The following SQOR variants were observed in gnomAD, a reference collection of about 807,000 sequenced individuals.
The protein encoded by SQOR is sulfide quinone oxidoreductase.
A neutral mutation model predicts 48.6 loss-of-function variants in SQOR; 39 were observed. The observed-to-expected ratio is 0.80, with a 90% CI of 0.62 to 1.05. SQOR has a LOEUF of 1.05. Among genes scored for constraint, SQOR ranks in the 50% least tolerant of loss-of-function variants. SQOR has a pLI of 0.00. For missense variants in SQOR, 561 were observed against 559.9 expected (o/e 1.00, Z -0.02); for synonymous variants, 220 against 206.2 (o/e 1.07, Z -0.57).
Position 45,661,956 on chromosome 15 carries a change from G to A in SQOR, c.236G>A (p.Arg79Lys), listed in dbSNP as rs926833757. ...ENVAIVEPSE[R>K]HFYQPIWTLV... Reference sequence around the variant, plus strand: ...ATCTTCAAATACTTTGTTTCTCAGAGACATTTCTACCAGCCAATCTGGACA... The same window carrying A: ...ATCTTCAAATACTTTGTTTCTCAGAAACATTTCTACCAGCCAATCTGGACA... The change falls in exon 3 of 10, where the codon AGA becomes AAA. Residue 79 changes from arginine to lysine, a missense_variant and splice_region_variant. By Grantham distance (26) the Arg-to-Lys change is conservative. Coordinates refer to ENST00000260324, the MANE Select transcript of SQOR (RefSeq NM_021199.4). 12 of 1,613,510 alleles carry A rather than the reference G, an allele frequency of 7.4e-6. 1 individual carries two copies. The African/African-American group carries it at 1.2e-4, about 16-fold the overall frequency.
intron 6 of SQOR, among the ~76,000 whole-genome samples, chr15:45,678,970 G>T (rs1890080805): frequency 6.6e-6 from 1 of 152,170 alleles, no homozygotes; most frequent in Admixed American, 6.5e-5. Context: ...ACTAAAATGA[G>T]CTATGAGTAA....
intron 1 of SQOR, among the ~76,000 whole-genome samples, chr15:45,644,144 G>A (rs761646058): frequency 1.6e-4 from 24 of 152,054 alleles, no homozygotes; most frequent in Non-Finnish European, 2.4e-4. Context: ...CTGGAGTGCA[G>A]TGACGCGATC....
intron 7 of SQOR, among the ~76,000 whole-genome samples, chr15:45,686,417 G>C (rs1340050616): frequency 6.6e-6 from 1 of 152,160 alleles, no homozygotes; most frequent in South Asian, 2.1e-4. Flanking sequence ...CTCCCAAAGT[G>C]CTGGGATTAC....
intron 1 of SQOR, among the ~76,000 whole-genome samples, chr15:45,650,685 T>C (rs1889467692): frequency 6.6e-6 from 1 of 152,176 alleles, no homozygotes; most frequent in South Asian, 2.1e-4. Flanking sequence ...TATAGAGAGC[T>C]GATTGGTCCG....
At position 45,662,205 on chromosome 15, in the gene SQOR, G is replaced by T; in HGVS notation, c.405+80G>T. The T allele has an allele frequency of 2.0e-6, 3 of 1,493,832 alleles. No individual in the cohort carries two copies. In the South Asian group the frequency reaches 3.6e-5, roughly 18 times the overall value. The allele number at this position is 1,493,832 out of a possible 1,614,324, so 92.5% of individuals were successfully genotyped here. ...CAGCCATCTTAAACTGGATAGCCTT[G>T]TGTTGAAAGAGCGGTATATATGCAT... On this transcript the variant is annotated intron_variant, in intron 3 of 9. Transcript: ENST00000260324.
At chr15:45,636,615 G>T (rs937171294) in intron 1 of SQOR, among the ~76,000 whole-genome samples, 1 of 151,982 alleles carries the variant, frequency 6.6e-6, no homozygotes, top group East Asian at 1.9e-4. Context: ...TATTGTCCAG[G>T]ATGGTCTCGA....
intron 1 of SQOR, chr15:45,645,813 G>C (rs1301083231): frequency 6.6e-6 from 1 of 152,144 alleles, no homozygotes; most frequent in African/African-American, 2.4e-5. Context: ...TGTTTGCTTT[G>C]GTTGCCTCCC....
chr15:45,687,978 G>C (rs1186314005), intron 7 of SQOR, among the ~76,000 whole-genome samples: 1 of 152,134 alleles, frequency 6.6e-6, no homozygotes, highest in African/African-American at 2.4e-5. Context: ...CTGTGAACAG[G>C]GACACAGGGA....
intron 8 of SQOR, 78 bp downstream of exon 8, chr15:45,688,482 T>C: frequency 8.9e-7 from 1 of 1,122,708 alleles, no homozygotes; most frequent in Non-Finnish European, 1.3e-6. Flanking sequence ...CCCACAATTT[T>C]GCACTTTCTG....
chr15:45,640,851 A>G (rs1595569416), intron 1 of SQOR, among the ~76,000 whole-genome samples: 2 of 152,174 alleles, frequency 1.3e-5, no homozygotes, highest in African/African-American at 4.8e-5. Flanking sequence ...GTCATGTCCT[A>G]CAGTCTGCAG....
chr15:45,684,300 T>C (rs1207713034), intron 7 of SQOR, among the ~76,000 whole-genome samples: 3 of 152,196 alleles, frequency 2.0e-5, no homozygotes, highest in East Asian at 1.9e-4. Flanking sequence ...ACACACTGCA[T>C]TGGGCGTCAT....
At chr15:45,647,161 A>C (rs1377386655) in intron 1 of SQOR, among the ~76,000 whole-genome samples, 2 of 151,890 alleles carry the variant, frequency 1.3e-5, no homozygotes, top group African/African-American at 4.8e-5. Flanking sequence ...AGACAGGAGA[A>C]TCGCTTGAAT....
At chr15:45,681,028 G>C (rs1235587429) in intron 6 of SQOR, among the ~76,000 whole-genome samples, 2 of 151,998 alleles carry the variant, frequency 1.3e-5, no homozygotes, top group Admixed American at 6.6e-5. Context: ...GGGCAACAGA[G>C]CAAGACCGAG....
chr15:45,689,356 T>G (rs980270749), intron 9 of SQOR, 139 bp downstream of exon 9: 185 of 692,686 alleles, frequency 2.7e-4, no homozygotes, highest in Non-Finnish European at 4.2e-4. Flanking sequence ...CTTTTGCTGC[T>G]GGATAAATAA....
intron 4 of SQOR, among the ~76,000 whole-genome samples, chr15:45,671,447 T>G (rs565901682): frequency 2.0e-5 from 3 of 152,280 alleles, no homozygotes; most frequent in African/African-American, 7.2e-5. Flanking sequence ...CGTGAACCAC[T>G]GCACCCAGCC....
intron 2 of SQOR, among the ~76,000 whole-genome samples, chr15:45,661,240 C>A (rs1011035874): frequency 7.2e-6 from 1 of 139,770 alleles, no homozygotes; most frequent in East Asian, 2.2e-4. Flanking sequence ...CGAGATCGTG[C>A]CACTGCACTC....
At chr15:45,651,302 C>T (rs1043486683) in intron 1 of SQOR, among the ~76,000 whole-genome samples, 7 of 152,214 alleles carry the variant, frequency 4.6e-5, no homozygotes, top group African/African-American at 9.6e-5. Flanking sequence ...ACTCCAAGTG[C>T]GGGGCCTGCT....
chr15:45,633,946 G>A (rs555054859), upstream of SQOR, among the ~76,000 whole-genome samples: 100 of 151,194 alleles, frequency 6.6e-4, 2 homozygotes, highest in South Asian at 0.02. Flanking sequence ...AGGCCCAGGA[G>A]GGCAGATCGC....
chr15:45,655,451 G>A (rs534196827), intron 1 of SQOR, among the ~76,000 whole-genome samples: 21 of 152,192 alleles, frequency 1.4e-4, no homozygotes, highest in African/African-American at 3.1e-4. Flanking sequence ...TCTTCCTTCC[G>A]TATGAAACAT....
Sources: allele counts gnomAD v4.1 joint callset (sites outside exome capture counted in the v4.1 genomes callset), GRCh38; gene constraint gnomAD v4.1.1; transcripts MANE v1.5; gene names NCBI Gene and HGNC (gene_info 2026-07-23, HGNC 2026-07-21).